The following GNA12 variants were observed in gnomAD, a reference collection of about 807,000 sequenced individuals.
GNA12 encodes guanine nucleotide-binding protein subunit alpha-12.
GNA12 carries 9 observed loss-of-function variants against 26.0 expected under a neutral mutation model. That is an observed-to-expected ratio of 0.35 (90% confidence interval 0.21 to 0.60). The LOEUF (loss-of-function observed/expected upper bound fraction) is 0.60, where lower values mean the gene tolerates loss of function less well. GNA12 is among the 20% of genes least tolerant of loss of function. The pLI, the probability that GNA12 is intolerant of heterozygous loss-of-function variation, is 0.78. For synonymous variants in GNA12, 264 were observed against 219.6 expected (o/e 1.20, Z -1.79); for missense variants, 405 against 525.8 (o/e 0.77, Z 2.25).
At chr7:2,737,668 G>C (rs533813690) in intron 2 of GNA12, among the ~76,000 whole-genome samples, 26 of 152,042 alleles carry the variant, frequency 1.7e-4, no homozygotes, top group Non-Finnish European at 3.1e-4. Flanking sequence ...CCGAAAACAG[G>C]GCTTGTTAAT....
chr7:2,773,080 G>A (rs142283020), intron 2 of GNA12, among the ~76,000 whole-genome samples: 408 of 152,360 alleles, frequency 2.7e-3, no homozygotes, highest in Non-Finnish European at 4.9e-3. Context: ...TACAGTGATG[G>A]AAGTGAAACT....
At chr7:2,832,535 C>T (rs557395288) in intron 1 of GNA12, among the ~76,000 whole-genome samples, 4 of 152,154 alleles carry the variant, frequency 2.6e-5, no homozygotes, top group East Asian at 1.9e-4. Context: ...ACAGATTCTT[C>T]GGGTCTCAGT....
intron 2 of GNA12, among the ~76,000 whole-genome samples, chr7:2,740,743 C>A (rs1380634601): frequency 2.0e-5 from 3 of 152,116 alleles, no homozygotes; most frequent in Non-Finnish European, 2.9e-5. Context: ...TAGATTCAGC[C>A]CTTAAAACTA....
At chr7:2,750,672 A>G (rs972444913) in intron 2 of GNA12, among the ~76,000 whole-genome samples, 6 of 152,212 alleles carry the variant, frequency 3.9e-5, no homozygotes, top group African/African-American at 1.2e-4. Flanking sequence ...AACTGAAACC[A>G]TGGAAGGTGA....
chr7:2,812,655 TCACATCACATCACATC>T, intron 1 of GNA12, among the ~76,000 whole-genome samples: 1 of 90,950 alleles, frequency 1.1e-5, no homozygotes, highest in Non-Finnish European at 2.9e-5. Flanking sequence ...TCACATCACA[TCACATCACATCACATC>T]ACATCACATC....
intron 2 of GNA12, among the ~76,000 whole-genome samples, chr7:2,748,984 T>C (rs570957832): frequency 7.6e-4 from 116 of 152,320 alleles, no homozygotes; most frequent in African/African-American, 2.7e-3. Context: ...CCAGTTAGAA[T>C]GGTGATCATT....
intron 1 of GNA12, among the ~76,000 whole-genome samples, chr7:2,798,704 T>C (rs1429910403): frequency 6.6e-6 from 1 of 152,172 alleles, no homozygotes; most frequent in Non-Finnish European, 1.5e-5. Flanking sequence ...AAAGCAACTT[T>C]GAAAAAGAAA....
At chr7:2,767,751 A>G (rs966318874) in intron 2 of GNA12, among the ~76,000 whole-genome samples, 5 of 152,262 alleles carry the variant, frequency 3.3e-5, no homozygotes, top group Non-Finnish European at 7.3e-5. Flanking sequence ...AACATGGTAC[A>G]TATGCTATGC....
chr7:2,788,163 A>C (rs552751708), intron 2 of GNA12, among the ~76,000 whole-genome samples: 1 of 151,736 alleles, frequency 6.6e-6, no homozygotes, highest in African/African-American at 2.4e-5. Flanking sequence ...AAAAAAAAAA[A>C]CAAATGCCAG....
At chr7:2,798,808 T>A (rs1246655647) in intron 1 of GNA12, among the ~76,000 whole-genome samples, 3 of 152,166 alleles carry the variant, frequency 2.0e-5, no homozygotes, top group Non-Finnish European at 4.4e-5. Flanking sequence ...GACCCACAGA[T>A]CAATGGAACA....
chr7:2,774,940 C>T (rs1792040739), intron 2 of GNA12, among the ~76,000 whole-genome samples: 1 of 152,174 alleles, frequency 6.6e-6, no homozygotes, highest in African/African-American at 2.4e-5. Context: ...TAATAATATT[C>T]TCAAAAGAGT....
chr7:2,751,412 AAC>A (rs1491447571), intron 2 of GNA12, among the ~76,000 whole-genome samples: 1 of 151,420 alleles, frequency 6.6e-6, no homozygotes, highest in Non-Finnish European at 1.5e-5. Context: ...AAAAAAAAAA[AAC>A]AGCTTATAGA....
chr7:2,808,694 G>A (rs923317395), intron 1 of GNA12, among the ~76,000 whole-genome samples: 2 of 152,124 alleles, frequency 1.3e-5, no homozygotes, highest in African/African-American at 2.4e-5. Context: ...TCTCACTTGG[G>A]TCCGGCCACC....
chr7:2,787,225 T>C (rs1177857521), intron 2 of GNA12, among the ~76,000 whole-genome samples: 1 of 152,192 alleles, frequency 6.6e-6, no homozygotes, highest in Non-Finnish European at 1.5e-5. Context: ...TGGAAACTGA[T>C]GGCAGCTCAC....
chr7:2,834,101 A>G (rs1346424214), intron 1 of GNA12, among the ~76,000 whole-genome samples: 1 of 152,262 alleles, frequency 6.6e-6, no homozygotes, highest in African/African-American at 2.4e-5. Context: ...GAAGACCCAC[A>G]GCTTTCAGCT....
intron 1 of GNA12, among the ~76,000 whole-genome samples, chr7:2,796,053 G>A (rs1011052726): frequency 6.6e-6 from 1 of 151,688 alleles, no homozygotes; most frequent in Non-Finnish European, 1.5e-5. Flanking sequence ...TTAGTAGAGA[G>A]GGGGGTTCCA....
chr7:2,734,116 C>T (rs554346246), intron 2 of GNA12, among the ~76,000 whole-genome samples: 3 of 152,292 alleles, frequency 2.0e-5, no homozygotes, highest in Admixed American at 2.0e-4. Flanking sequence ...CTGGACCAAT[C>T]ATCGATACAA....
chr7:2,794,908 A>C lies in GNA12; in HGVS notation c.525+20T>G, dbSNP rs1396184639. On this transcript the variant is annotated intron_variant, in intron 2 of 3. Coordinates refer to ENST00000275364, the MANE Select transcript of GNA12 (RefSeq NM_007353.3). Reference sequence around the variant, plus strand: ...AAAAACACACTATCAGGTGCCCAGCAAGAAGGCCTACTCACTCACCAGCTG... The same window carrying C: ...AAAAACACACTATCAGGTGCCCAGCCAGAAGGCCTACTCACTCACCAGCTG... 6.4e-7 allele frequency: 1 copy of C among 1,561,200 alleles called. No homozygotes were observed. The highest frequency in any genetic ancestry group is 2.2e-5 in the East Asian group (1 of 44,672).
chr7:2,779,505 C>CAA (rs879328315), intron 2 of GNA12, among the ~76,000 whole-genome samples: 1 of 142,382 alleles, frequency 7.0e-6, no homozygotes, highest in African/African-American at 2.6e-5. Context: ...GTGAGACTCT[C>CAA]AAAAAAAAAA....
Sources: gnomAD v4.1 joint callset for allele counts (sites outside exome capture counted in the v4.1 genomes callset) on GRCh38, gnomAD v4.1.1 for gene constraint, MANE v1.5 for transcripts, NCBI Gene and HGNC (gene_info 2026-07-23, HGNC 2026-07-21) for gene names.